CLNK: variants seen among roughly 807,000 people sequenced by gnomAD.
CLNK encodes the protein cytokine dependent hematopoietic cell linker.
Under a neutral mutation model 68.6 loss-of-function variants are expected in CLNK, and 74 were observed. The ratio of observed to expected loss-of-function variants is 1.08; its 90% CI spans 0.89 to 1.31. The LOEUF (loss-of-function observed/expected upper bound fraction) is 1.31. CLNK is among the 50% of genes most tolerant of loss of function. CLNK has a pLI of 0.00. For missense variants in CLNK, 553 were observed against 515.3 expected (o/e 1.07, Z -0.71); for synonymous variants, 198 against 172.2 (o/e 1.15, Z -1.17).
intron 5 of CLNK, among the ~76,000 whole-genome samples, chr4:10,567,763 G>C (rs541130881): frequency 2.0e-5 from 3 of 152,266 alleles, no homozygotes; most frequent in African/African-American, 7.2e-5. Context: ...GTGGGAAAAG[G>C]ATATGAATGG....
intron 3 of CLNK, among the ~76,000 whole-genome samples, chr4:10,595,419 G>A (rs1010667588): frequency 1.3e-5 from 2 of 152,146 alleles, no homozygotes; most frequent in Admixed American, 1.3e-4. Context: ...GGGTATTGCG[G>A]ATTTAGTAGG....
upstream of CLNK, among the ~76,000 whole-genome samples, chr4:10,686,816 T>G (rs968664027): frequency 2.6e-4 from 40 of 152,156 alleles, no homozygotes; most frequent in African/African-American, 8.9e-4. Context: ...AGTCTAATGA[T>G]ATGAATATTT....
intron 1 of CLNK, among the ~76,000 whole-genome samples, chr4:10,671,879 G>A (rs919462628): frequency 6.6e-6 from 1 of 152,154 alleles, no homozygotes; most frequent in African/African-American, 2.4e-5. Context: ...AGAAGAAACA[G>A]CTTCCCCCCA....
chr4:10,667,825 GA>G, intron 2 of CLNK, 33 bp downstream of exon 2: 1 of 1,561,222 alleles, frequency 6.4e-7, no homozygotes, highest in South Asian at 1.2e-5. Flanking sequence ...CAAGAAAAGG[GA>G]ACTGGGGCTC....
the CLNK span, among the ~76,000 whole-genome samples, chr4:10,721,876 G>A: frequency 1.3e-5 from 2 of 152,060 alleles, no homozygotes; most frequent in African/African-American, 2.4e-5. Flanking sequence ...CATACTGCTT[G>A]GCATAAAAAT....
intron 15 of CLNK, among the ~76,000 whole-genome samples, chr4:10,517,912 TTGAATGAA>T (rs989729945): frequency 3.3e-5 from 5 of 152,212 alleles, no homozygotes; most frequent in Non-Finnish European, 5.9e-5. Flanking sequence ...TGTATCTTTG[TTGAATGAA>T]TGAATGAAAG....
At chr4:10,684,620 A>G (rs1028628317) in intron 1 of CLNK, 48 bp downstream of exon 1, 4 of 152,182 alleles carry the variant, frequency 2.6e-5, no homozygotes, top group African/African-American at 9.7e-5. Context: ...TATGACAAGG[A>G]GATGACCATG....
chr4:10,622,910 C>T (rs566046887), intron 2 of CLNK, among the ~76,000 whole-genome samples: 5 of 152,056 alleles, frequency 3.3e-5, no homozygotes, highest in Non-Finnish European at 5.9e-5. Flanking sequence ...AGAGAGGGAG[C>T]TCTGGCCCCT....
intron 17 of CLNK, 59 bp downstream of exon 17, chr4:10,507,900 G>A: frequency 7.9e-7 from 1 of 1,258,302 alleles, no homozygotes; most frequent in Non-Finnish European, 1.1e-6. Flanking sequence ...TGACACATAA[G>A]CAGAGAACCT....
chr4:10,684,989 T>A (rs1034007291), upstream of CLNK: 19 of 152,160 alleles, frequency 1.2e-4, no homozygotes, highest in Non-Finnish European at 2.9e-5. Flanking sequence ...AGACACACGG[T>A]GTCCTTATGT....
intron 2 of CLNK, among the ~76,000 whole-genome samples, chr4:10,603,132 A>G (rs1344672039): frequency 1.3e-5 from 2 of 152,212 alleles, no homozygotes; most frequent in African/African-American, 2.4e-5. Context: ...ACTTCTCTCA[A>G]TGGAGTTTAG....
chr4:10,688,556 C>T (rs1443712112), upstream of CLNK, among the ~76,000 whole-genome samples: 1 of 152,100 alleles, frequency 6.6e-6, no homozygotes, highest in Non-Finnish European at 1.5e-5. Context: ...TAGGTCAAAT[C>T]CCACCCAGTT....
intron 2 of CLNK, among the ~76,000 whole-genome samples, chr4:10,605,863 AAAAGG>A (rs979732997): frequency 7.9e-5 from 12 of 151,386 alleles, no homozygotes; most frequent in African/African-American, 1.9e-4. Flanking sequence ...AAAAGAAAAG[AAAAGG>A]AAGTGGTATA....
chr4:10,612,503 G>A (rs906225716), intron 2 of CLNK, among the ~76,000 whole-genome samples: 1 of 152,228 alleles, frequency 6.6e-6, no homozygotes, highest in African/African-American at 2.4e-5. Flanking sequence ...GGGAGGCAAA[G>A]TATATTGTTT....
At chr4:10,525,777 T>C (rs758816022) in intron 14 of CLNK, 64 bp downstream of exon 14, 9 of 931,108 alleles carry the variant, frequency 9.7e-6, no homozygotes, top group Non-Finnish European at 1.3e-5. Context: ...TGATCATTTA[T>C]CTGAGACAGC....
At chr4:10,674,792 T>C (rs1195091773) in intron 1 of CLNK, among the ~76,000 whole-genome samples, 2 of 152,216 alleles carry the variant, frequency 1.3e-5, no homozygotes, top group African/African-American at 2.4e-5. Flanking sequence ...TTGAAAATGC[T>C]TTGTAAAGAT....
chr4:10,658,438 G>A (rs564073178), intron 2 of CLNK, among the ~76,000 whole-genome samples: 9 of 152,258 alleles, frequency 5.9e-5, no homozygotes, highest in South Asian at 4.1e-4. Context: ...TTAAAACGAC[G>A]GTTTGTTTTT....
At chr4:10,731,394 G>A in the CLNK span, among the ~76,000 whole-genome samples, 20 of 152,226 alleles carry the variant, frequency 1.3e-4, no homozygotes, top group South Asian at 4.2e-4. Context: ...TCATGCCACC[G>A]GGCTACCCAT....
At chr4:10,567,876 T>C (rs1720184169) in intron 5 of CLNK, among the ~76,000 whole-genome samples, 1 of 152,198 alleles carries the variant, frequency 6.6e-6, no homozygotes, top group Admixed American at 6.5e-5. Flanking sequence ...CAATGAGATG[T>C]CAGCCATACA....
Sources: allele counts gnomAD v4.1 joint callset (sites outside exome capture counted in the v4.1 genomes callset), GRCh38; gene constraint gnomAD v4.1.1; transcripts MANE v1.5; gene names NCBI Gene and HGNC (gene_info 2026-07-23, HGNC 2026-07-21).